SCAF8: variants seen among roughly 807,000 people sequenced by gnomAD.
The protein encoded by SCAF8 is SR-related and CTD-associated factor 8.
SCAF8 carries 23 observed loss-of-function variants against 140.5 expected under a neutral mutation model. The ratio of observed to expected loss-of-function variants is 0.16; its 90% CI spans 0.12 to 0.23. The LOEUF (loss-of-function observed/expected upper bound fraction) is 0.23. Among genes scored for constraint, SCAF8 ranks in the 10% least tolerant of loss-of-function variants. SCAF8 has a pLI of 1.00. For missense variants in SCAF8, 1,397 were observed against 1,555.7 expected (o/e 0.90, Z 1.72); for synonymous variants, 575 against 528.9 (o/e 1.09, Z -1.20).
Position 154,824,462 on chromosome 6 carries a change from C to G in SCAF8, c.2071+84C>G, listed in dbSNP as rs141875323. 3.1e-5 allele frequency: 40 copies of G among 1,291,770 alleles called. No homozygotes were observed. In the African/African-American group the frequency reaches 5.7e-4, roughly 18 times the overall value. 80.0% of individuals were successfully genotyped at this position (1,291,770 alleles called of 1,614,324 possible). A position where few individuals can be genotyped will look rare whatever the true frequency, so the allele number is the denominator to read the frequency against. ...TCTTCCAGATTTAAGTACCATAGAG[C>G]AGTGGTTCTGAGACCTTAGCATGCA... On this transcript the variant is annotated intron_variant, in intron 17 of 19. Coordinates refer to ENST00000367178, the MANE Select transcript of SCAF8 (RefSeq NM_014892.5).
chr6:154,736,087 A>G (rs1778409705), intron 1 of SCAF8, among the ~76,000 whole-genome samples: 1 of 151,724 alleles, frequency 6.6e-6, no homozygotes, highest in Admixed American at 6.6e-5. Flanking sequence ...TGGCATCCCA[A>G]GTGCTGGGAT....
At chr6:154,752,042 T>C (rs1778850403) in intron 1 of SCAF8, among the ~76,000 whole-genome samples, 1 of 152,232 alleles carries the variant, frequency 6.6e-6, no homozygotes, top group Admixed American at 6.5e-5. Flanking sequence ...TAAGTCTATA[T>C]CCTTAATGTA....
chr6:154,777,883 C>T, intron 2 of SCAF8, 118 bp from the exon 3 acceptor site: 2 of 656,248 alleles, frequency 3.0e-6, no homozygotes, highest in Non-Finnish European at 5.4e-6. Flanking sequence ...TCTCAAAATT[C>T]TTGGTTAAGA....
At chr6:154,800,656 A>G (rs1182112380) in intron 6 of SCAF8, among the ~76,000 whole-genome samples, 1 of 151,316 alleles carries the variant, frequency 6.6e-6, no homozygotes, top group East Asian at 1.9e-4. Context: ...GAGGGTAATG[A>G]TTATGAAAAA....
chr6:154,734,245 G>T (rs1778347813), intron 1 of SCAF8, among the ~76,000 whole-genome samples: 11 of 152,194 alleles, frequency 7.2e-5, no homozygotes, highest in Admixed American at 7.2e-4. Flanking sequence ...GTCCCTCGAG[G>T]TCAGTTCCGC....
At chr6:154,743,454 C>T (rs1005740818) in intron 1 of SCAF8, among the ~76,000 whole-genome samples, 1 of 152,168 alleles carries the variant, frequency 6.6e-6, no homozygotes, top group African/African-American at 2.4e-5. Context: ...GAGACCAAAC[C>T]TTATGAATTT....
chr6:154,776,652 T>C (rs1776925853), intron 2 of SCAF8, among the ~76,000 whole-genome samples: 2 of 152,258 alleles, frequency 1.3e-5, no homozygotes, highest in African/African-American at 2.4e-5. Context: ...CTAATAACTT[T>C]AGTTGTTTTG....
chr6:154,782,677 T>C (rs1333134366), intron 3 of SCAF8, among the ~76,000 whole-genome samples: 1 of 152,174 alleles, frequency 6.6e-6, no homozygotes, highest in Non-Finnish European at 1.5e-5. Context: ...CACAGCAGGC[T>C]GTCTGCAAGC....
rs541067144 is a variant in SCAF8 at position 154,774,621 on chromosome 6, A to G, written c.114+549A>G. Among the ~76,000 whole-genome samples the G allele has an allele frequency of 2.0e-5, 3 of 152,186 alleles. No homozygotes were observed. The South Asian group carries it at 6.2e-4, about 32-fold the overall frequency. ...TTGATATATTCATTTTTTCTTATTG[A>G]TTCTATTAATATTATAGATTTGAAA... On this transcript the variant is annotated intron_variant, in intron 2 of 19. Transcript: ENST00000367178.
At chr6:154,792,434 T>G (rs1290836241) in intron 4 of SCAF8, among the ~76,000 whole-genome samples, 2 of 152,230 alleles carry the variant, frequency 1.3e-5, no homozygotes, top group Non-Finnish European at 2.9e-5. Context: ...AGACATTGTG[T>G]GAGACAAAGT....
At position 154,790,098 on chromosome 6, in the gene SCAF8, A is replaced by G. The variant is rs560596844; in HGVS notation, c.321+2076A>G. Among the ~76,000 whole-genome samples the G allele has an allele frequency of 9.7e-4, 148 of 152,306 alleles. 1 individual carries two copies. Among genetic ancestry groups the G allele is most frequent in the Non-Finnish European group, 1.9e-3 (131 of 68,018 alleles). On this transcript the variant is annotated intron_variant, in intron 4 of 19. Transcript: ENST00000367178. The stretch of plus-strand genomic sequence containing the variant: ...TATGGAATAGGGCTTTCTTTTAACC[A>G]TAGGAGGAGAGAGTAGATTAACATT...
In SCAF8 at chr6:154,769,632, T is replaced by C. The variant is rs561954692; in HGVS notation, c.31-4357T>C. On this transcript the variant is annotated intron_variant, in intron 1 of 19. Coordinates refer to ENST00000367178, the MANE Select transcript of SCAF8 (RefSeq NM_014892.5). The stretch of plus-strand genomic sequence containing the variant: ...TGCTCTAAAAGTTTTCTATACGATG[T>C]TTCTGTGAAAACAGTATTATTTCTG... Among the ~76,000 whole-genome samples the C allele has an allele frequency of 2.0e-5, 3 of 152,328 alleles. No homozygotes were observed. The South Asian group carries it at 6.2e-4, about 32-fold the overall frequency.
intron 7 of SCAF8, among the ~76,000 whole-genome samples, chr6:154,802,533 C>T (rs1777800763): frequency 6.6e-6 from 1 of 151,912 alleles, no homozygotes; most frequent in Admixed American, 6.6e-5. Context: ...AGGAGAATTG[C>T]TTGTACCTGG....
At position 154,768,836 on chromosome 6, in the gene SCAF8, G is replaced by C. The variant is rs576733238; in HGVS notation, c.31-5153G>C. 1.8e-4 allele frequency among the ~76,000 whole-genome samples: 28 copies of C among 152,250 alleles called. No homozygotes were observed. In the South Asian group the frequency reaches 5.8e-3, roughly 32 times the overall value. ...CCAGCACTTTGGGAAGCCAAGGTGG[G>C]TGGATTGCTTGAGCCCAGGTGTTTG... On this transcript the variant is annotated intron_variant, in intron 1 of 19. Coordinates refer to ENST00000367178, the MANE Select transcript of SCAF8 (RefSeq NM_014892.5).
chr6:154,751,255 T>G (rs1023775783), intron 1 of SCAF8, among the ~76,000 whole-genome samples: 4 of 150,950 alleles, frequency 2.6e-5, no homozygotes, highest in Non-Finnish European at 4.4e-5. Context: ...TGAGACGGAG[T>G]TTTGCTCTTG....
rs368491712 is a variant in SCAF8 at position 154,747,241 on chromosome 6, G to A, written c.30+13311G>A. ...AAAATATAGAACCGTGCGGCTGAGT[G>A]TGGTGGTTAGGCCTGTAATCCCAGC... On this transcript the variant is annotated intron_variant, in intron 1 of 19. Transcript: ENST00000367178. 2.5e-3 allele frequency among the ~76,000 whole-genome samples: 382 copies of A among 152,246 alleles called. 3 individuals are homozygous for A. The highest frequency in any genetic ancestry group is 8.5e-3 in the African/African-American group (354 of 41,550).
intron 16 of SCAF8, among the ~76,000 whole-genome samples, chr6:154,823,701 G>GCC (rs1425291641): frequency 1.3e-5 from 2 of 152,226 alleles, no homozygotes; most frequent in East Asian, 3.8e-4. Context: ...TTGTTAGGTA[G>GCC]AAGTATCTTT....
At chr6:154,807,217 G>GT (rs1255507030) in intron 9 of SCAF8, among the ~76,000 whole-genome samples, 3 of 152,164 alleles carry the variant, frequency 2.0e-5, no homozygotes, top group African/African-American at 7.2e-5. Flanking sequence ...CGAGTCTGTT[G>GT]TAAGAATCTC....
chr6:154,805,512 TAG>T (rs1777887674), intron 9 of SCAF8, 26 bp downstream of exon 9: 1 of 1,332,140 alleles, frequency 7.5e-7, no homozygotes, highest in East Asian at 2.3e-5. Flanking sequence ...TTGTGGTCTT[TAG>T]AGTTATTACT....
Sources: gnomAD v4.1 joint callset for allele counts (sites outside exome capture counted in the v4.1 genomes callset) on GRCh38, gnomAD v4.1.1 for gene constraint, MANE v1.5 for transcripts, NCBI Gene and HGNC (gene_info 2026-07-23, HGNC 2026-07-21) for gene names.